Variants in GRIN2A observed in about 807,000 individuals in gnomAD.
GRIN2A encodes glutamate receptor ionotropic, NMDA 2A.
Under a neutral mutation model 113.4 loss-of-function variants are expected in GRIN2A, and 22 were observed. The ratio of observed to expected loss-of-function variants is 0.19; its 90% confidence interval spans 0.14 to 0.28. The LOEUF (loss-of-function observed/expected upper bound fraction) is 0.28, where lower values mean the gene tolerates loss of function less well. GRIN2A is among the 10% of genes least tolerant of loss of function. GRIN2A has a pLI of 1.00. For missense variants in GRIN2A, 1,502 were observed against 1,887.0 expected (o/e 0.80, Z 3.78); for synonymous variants, 827 against 738.4 (o/e 1.12, Z -1.94).
At chr16:9,924,444 A>T (rs1435721083) in intron 3 of GRIN2A, among the ~76,000 whole-genome samples, 1 of 152,230 alleles carries the variant, frequency 6.6e-6, no homozygotes, top group Non-Finnish European at 1.5e-5. Flanking sequence ...GTCGGCTGAC[A>T]TCTTTTTTCA....
chr16:9,796,732 C>A (rs960157419), intron 11 of GRIN2A, among the ~76,000 whole-genome samples: 1 of 152,214 alleles, frequency 6.6e-6, no homozygotes, highest in Non-Finnish European at 1.5e-5. Flanking sequence ...ACCACTGATT[C>A]GTACGCTTGT....
chr16:9,926,555 C>T (rs1567179744), intron 3 of GRIN2A, among the ~76,000 whole-genome samples: 1 of 152,150 alleles, frequency 6.6e-6, no homozygotes, highest in South Asian at 2.1e-4. Context: ...ATCAAAACTC[C>T]CTGTTATTGC....
At chr16:10,142,673 T>G (rs533442503) in intron 2 of GRIN2A, among the ~76,000 whole-genome samples, 216 of 152,316 alleles carry the variant, frequency 1.4e-3, no homozygotes, top group Non-Finnish European at 2.6e-3. Flanking sequence ...TACTCTAGTA[T>G]GGGCAATAGA....
chr16:10,074,573 C>T (rs188813960), intron 2 of GRIN2A, among the ~76,000 whole-genome samples: 3 of 152,174 alleles, frequency 2.0e-5, no homozygotes, highest in African/African-American at 4.8e-5. Context: ...AGTACTGATA[C>T]CTTCTACAAC....
intron 2 of GRIN2A, among the ~76,000 whole-genome samples, chr16:10,005,259 A>G (rs912140310): frequency 3.9e-5 from 6 of 152,224 alleles, no homozygotes; most frequent in African/African-American, 1.4e-4. Context: ...GAAGATTTAG[A>G]TATCAGAAGC....
intron 3 of GRIN2A, among the ~76,000 whole-genome samples, chr16:9,931,637 T>G (rs1447171799): frequency 6.6e-6 from 1 of 152,170 alleles, no homozygotes; most frequent in African/African-American, 2.4e-5. Context: ...TAAGAGGGTT[T>G]TGGTCTGAAA....
At chr16:10,059,398 T>A (rs775077675) in intron 2 of GRIN2A, among the ~76,000 whole-genome samples, 10 of 150,974 alleles carry the variant, frequency 6.6e-5, no homozygotes, top group Non-Finnish European at 1.2e-4. Flanking sequence ...GAGTGGTGAC[T>A]TGATCCAGGG....
At chr16:9,902,797 T>C (rs1201047335) in intron 3 of GRIN2A, among the ~76,000 whole-genome samples, 1 of 152,038 alleles carries the variant, frequency 6.6e-6, no homozygotes, top group Non-Finnish European at 1.5e-5. Flanking sequence ...CCCCATCTCT[T>C]AGTATATGCT....
chr16:10,065,969 G>C (rs1567273337), intron 2 of GRIN2A, among the ~76,000 whole-genome samples: 1 of 152,188 alleles, frequency 6.6e-6, no homozygotes. Context: ...ACCTTAAAGA[G>C]TGTTCCTTGA....
At chr16:9,809,476 A>G (rs893307308) in intron 10 of GRIN2A, among the ~76,000 whole-genome samples, 40 of 152,298 alleles carry the variant, frequency 2.6e-4, no homozygotes, top group African/African-American at 9.1e-4. Flanking sequence ...AGTCTTGGAG[A>G]AATGGAACGT....
At chr16:9,781,605 C>T (rs1901940937) in intron 11 of GRIN2A, among the ~76,000 whole-genome samples, 1 of 152,148 alleles carries the variant, frequency 6.6e-6, no homozygotes, top group East Asian at 1.9e-4. Flanking sequence ...AAGCAATCCC[C>T]CCACCTTGGC....
In GRIN2A at chr16:9,882,206, T is replaced by C. The variant is rs146630185; in HGVS notation, c.1122+8780A>G. ...GCAAGGAGAGGGAGCTAAAATACAA[T>C]AATTTAGATAGGAGGGAGCTATAGC... On this transcript the variant is annotated intron_variant, in intron 4 of 12. Coordinates refer to ENST00000330684, the MANE Select transcript of GRIN2A (RefSeq NM_001134407.3). 2.6e-5 allele frequency among the ~76,000 whole-genome samples: 4 copies of C among 152,222 alleles called. No individual in the cohort carries two copies. In the South Asian group the frequency reaches 6.2e-4, roughly 24 times the overall value.
intron 2 of GRIN2A, among the ~76,000 whole-genome samples, chr16:10,053,933 C>T (rs562693327): frequency 2.0e-5 from 3 of 151,134 alleles, no homozygotes; most frequent in Admixed American, 6.6e-5. Context: ...AAAGCAGAAA[C>T]CTCCACACAA....
chr16:10,038,083 G>C (rs1006086310), intron 2 of GRIN2A, among the ~76,000 whole-genome samples: 4 of 141,338 alleles, frequency 2.8e-5, no homozygotes, highest in Admixed American at 7.5e-5. Context: ...AAAAACAACA[G>C]ACTTTATTTC....
At chr16:10,151,188 T>A (rs1316994356) in intron 2 of GRIN2A, among the ~76,000 whole-genome samples, 1 of 152,226 alleles carries the variant, frequency 6.6e-6, no homozygotes, top group East Asian at 1.9e-4. Context: ...AGAGCTGAGA[T>A]GCAACATGCA....
At chr16:10,071,293 T>G (rs1245025931) in intron 2 of GRIN2A, among the ~76,000 whole-genome samples, 3 of 152,202 alleles carry the variant, frequency 2.0e-5, no homozygotes, top group Non-Finnish European at 4.4e-5. Flanking sequence ...GGAAGCTTAT[T>G]GGTTCTAGAA....
At chr16:9,912,508 G>A (rs559221762) in intron 3 of GRIN2A, among the ~76,000 whole-genome samples, 6 of 133,246 alleles carry the variant, frequency 4.5e-5, no homozygotes, top group Non-Finnish European at 9.5e-5. Flanking sequence ...CAGAGTAAGT[G>A]GGTGGGGTGG....
chr16:9,974,621 A>C (rs1380949005), intron 2 of GRIN2A, among the ~76,000 whole-genome samples: 1 of 152,106 alleles, frequency 6.6e-6, no homozygotes, highest in African/African-American at 2.4e-5. Context: ...TCCGTGTCTG[A>C]GGAGTTTTGT....
intron 2 of GRIN2A, among the ~76,000 whole-genome samples, chr16:9,953,132 G>A (rs1050710540): frequency 6.6e-6 from 1 of 152,198 alleles, no homozygotes; most frequent in Non-Finnish European, 1.5e-5. Flanking sequence ...AGAAAAGAGA[G>A]AAAGATCTGA....
Sources: gnomAD v4.1 joint callset for allele counts (sites outside exome capture counted in the v4.1 genomes callset) on GRCh38, gnomAD v4.1.1 for gene constraint, MANE v1.5 for transcripts, NCBI Gene and HGNC (gene_info 2026-07-23, HGNC 2026-07-21) for gene names.